Variants in ZC3H12B observed in about 807,000 individuals in gnomAD.
ZC3H12B encodes zinc finger CCCH-type containing 12B.
Under a neutral mutation model 43.9 loss-of-function variants are expected in ZC3H12B, and 7 were observed. The ratio of observed to expected loss-of-function variants is 0.16; its 90% CI spans 0.09 to 0.30. ZC3H12B has a LOEUF of 0.30. Ranked by LOEUF, ZC3H12B falls within the 10% of genes least tolerant of loss-of-function variation. ZC3H12B has a pLI of 1.00. For missense variants in ZC3H12B, 475 were observed against 670.2 expected (o/e 0.71, Z 3.22); for synonymous variants, 222 against 241.7 (o/e 0.92, Z 0.76).
At chrX:65,251,539 A>C in the ZC3H12B span, among the ~76,000 whole-genome samples, 1 of 111,184 alleles carries the variant, frequency 9.0e-6, no homozygotes, top group Non-Finnish European at 1.9e-5. Context: ...CCGTATGGCC[A>C]TTTTCACGAT....
At chrX:65,051,618 G>C in the ZC3H12B span, among the ~76,000 whole-genome samples, 4 of 111,441 alleles carry the variant, frequency 3.6e-5, no homozygotes, top group Admixed American at 2.9e-4. Flanking sequence ...AAATAAGGAA[G>C]AATACTTTAC....
intron 3 of ZC3H12B, among the ~76,000 whole-genome samples, chrX:65,461,325 G>A (rs1237259819): frequency 8.9e-6 from 1 of 112,069 alleles, no homozygotes; most frequent in Non-Finnish European, 1.9e-5. Flanking sequence ...ACTAGAAATA[G>A]CATTTGATCC....
chrX:65,353,867 G>A, the ZC3H12B span, among the ~76,000 whole-genome samples: 1 of 111,552 alleles, frequency 9.0e-6, no homozygotes, highest in Non-Finnish European at 1.9e-5. Context: ...ACTGGGCAGA[G>A]CCCACCACAG....
At chrX:65,121,252 G>A in the ZC3H12B span, among the ~76,000 whole-genome samples, 1,779 of 111,134 alleles carry the variant, frequency 0.016, 36 homozygotes, top group African/African-American at 0.054. Flanking sequence ...TACCTCTGGT[G>A]GAATTCGGCT....
At chrX:65,169,692 GACTT>G in the ZC3H12B span, among the ~76,000 whole-genome samples, 1 of 111,584 alleles carries the variant, frequency 9.0e-6, no homozygotes, top group Non-Finnish European at 1.9e-5. Context: ...AGTCTATATG[GACTT>G]ACTTTATGAA....
the ZC3H12B span, among the ~76,000 whole-genome samples, chrX:65,140,218 T>C: frequency 9.0e-6 from 1 of 111,621 alleles, no homozygotes; most frequent in Non-Finnish European, 1.9e-5. Context: ...TAGAGTATGA[T>C]GTTAGCTGTA....
At chrX:65,373,680 G>T (rs1198274059) in intron 2 of ZC3H12B, among the ~76,000 whole-genome samples, 1 of 92,371 alleles carries the variant, frequency 1.1e-5, no homozygotes, top group East Asian at 3.8e-4. Context: ...TCATAGGTGA[G>T]AATTGATCAA....
the ZC3H12B span, among the ~76,000 whole-genome samples, chrX:65,166,079 G>A: frequency 3.6e-5 from 4 of 110,284 alleles, no homozygotes; most frequent in Non-Finnish European, 7.6e-5. Context: ...AAGTTCTAGG[G>A]TACATGTGCA....
chrX:65,485,522 C>T (rs2068114384), upstream of ZC3H12B, among the ~76,000 whole-genome samples: 1 of 112,760 alleles, frequency 8.9e-6, no homozygotes, highest in Non-Finnish European at 1.9e-5. Context: ...TCCCAAAGCG[C>T]TGGGATTATA....
chrX:65,153,382 T>G, the ZC3H12B span, among the ~76,000 whole-genome samples: 1 of 111,181 alleles, frequency 9.0e-6, no homozygotes, highest in Admixed American at 9.6e-5. Flanking sequence ...CAAACAAATT[T>G]ACAAGAAAAA....
chrX:65,430,575 T>C (rs1406290511), intron 3 of ZC3H12B, among the ~76,000 whole-genome samples: 1 of 97,451 alleles, frequency 1.0e-5, no homozygotes, highest in East Asian at 3.5e-4. Context: ...TTCCCACCTA[T>C]GAGTGAGAAC....
the ZC3H12B span, among the ~76,000 whole-genome samples, chrX:65,088,096 G>A: frequency 3.6e-5 from 4 of 111,753 alleles, no homozygotes; most frequent in African/African-American, 6.5e-5. Flanking sequence ...CAGATATATC[G>A]TTGGGATGGT....
chrX:65,080,411 A>C, the ZC3H12B span, among the ~76,000 whole-genome samples: 3 of 111,187 alleles, frequency 2.7e-5, no homozygotes, highest in African/African-American at 6.5e-5. Context: ...AACTGAAAGA[A>C]GACTACCTCA....
the ZC3H12B span, among the ~76,000 whole-genome samples, chrX:65,067,130 C>G: frequency 1.8e-5 from 2 of 110,257 alleles, no homozygotes; most frequent in African/African-American, 6.6e-5. Flanking sequence ...GCTTCAGCCC[C>G]CTTTCCAGAG....
chrX:65,052,772 T>C, the ZC3H12B span, among the ~76,000 whole-genome samples: 2 of 111,745 alleles, frequency 1.8e-5, no homozygotes, highest in East Asian at 5.6e-4. Flanking sequence ...GACATACCGA[T>C]TTCATTTCTT....
intron 3 of ZC3H12B, among the ~76,000 whole-genome samples, chrX:65,476,255 A>C (rs2067989868): frequency 9.0e-6 from 1 of 111,177 alleles, no homozygotes; most frequent in South Asian, 3.8e-4. Context: ...TTATATTTTT[A>C]TACTATCTTG....
chrX:65,084,693 G>C, the ZC3H12B span, among the ~76,000 whole-genome samples: 10 of 112,860 alleles, frequency 8.9e-5, no homozygotes, highest in Middle Eastern at 4.6e-3. Context: ...ATGCAGAATA[G>C]TTTGGAGGCT....
At chrX:65,372,722 T>C (rs1314889143) in intron 2 of ZC3H12B, among the ~76,000 whole-genome samples, 1 of 112,117 alleles carries the variant, frequency 8.9e-6, no homozygotes, top group African/African-American at 3.2e-5. Context: ...GTAAGGATTG[T>C]TATCCACATT....
the ZC3H12B span, among the ~76,000 whole-genome samples, chrX:65,227,791 G>A: frequency 9.0e-6 from 1 of 111,237 alleles, no homozygotes; most frequent in African/African-American, 3.3e-5. Flanking sequence ...AGAAGAAATG[G>A]ATAAATTCCT....
Sources: gnomAD v4.1 joint callset for allele counts (sites outside exome capture counted in the v4.1 genomes callset) on GRCh38, gnomAD v4.1.1 for gene constraint, MANE v1.5 for transcripts, NCBI Gene and HGNC (gene_info 2026-07-23, HGNC 2026-07-21) for gene names.